The following SPTLC1 variants were observed in gnomAD, a reference collection of about 807,000 sequenced individuals.
The protein encoded by SPTLC1 is serine palmitoyltransferase long chain base subunit 1.
In SPTLC1, 55 loss-of-function variants were observed where a neutral mutation model predicts 68.9. That is an observed-to-expected ratio of 0.80 (90% confidence interval 0.64 to 1.00). The LOEUF is 1.00. Ranked by LOEUF, SPTLC1 falls within the 50% of genes least tolerant of loss-of-function variation. The pLI, the probability that SPTLC1 is intolerant of heterozygous loss-of-function variation, is 0.00. For synonymous variants in SPTLC1, 197 were observed against 201.6 expected (o/e 0.98, Z 0.19); for missense variants, 449 against 573.1 (o/e 0.78, Z 2.21).
chr9:92,097,278 C>G (rs1468700994), intron 3 of SPTLC1, among the ~76,000 whole-genome samples: 1 of 152,200 alleles, frequency 6.6e-6, no homozygotes, highest in Non-Finnish European at 1.5e-5. Context: ...ATGTTAAACA[C>G]AGAGTTATCA....
At chr9:92,051,150 A>C (rs1321186424) in intron 8 of SPTLC1, 3 of 984,752 alleles carry the variant, frequency 3.0e-6, no homozygotes, top group Non-Finnish European at 3.6e-6. Flanking sequence ...AACAAAAAGA[A>C]GAAAACAAAT....
intron 8 of SPTLC1, among the ~76,000 whole-genome samples, chr9:92,053,691 A>G (rs1833788082): frequency 6.6e-6 from 1 of 152,270 alleles, no homozygotes; most frequent in Admixed American, 6.5e-5. Context: ...GATGCCATTT[A>G]TAGGAAATAA....
intron 13 of SPTLC1, among the ~76,000 whole-genome samples, chr9:92,037,786 T>A (rs1040904467): frequency 1.3e-5 from 2 of 152,180 alleles, no homozygotes; most frequent in African/African-American, 4.8e-5. Flanking sequence ...TACAAGAGCA[T>A]CCTGACTTCA....
chr9:92,111,109 T>C (rs1431353994), intron 2 of SPTLC1: 2 of 152,172 alleles, frequency 1.3e-5, no homozygotes, highest in East Asian at 1.9e-4. Flanking sequence ...ACATCACCTA[T>C]CTAATGAATC....
chr9:92,106,422 C>T (rs888268180), intron 3 of SPTLC1, among the ~76,000 whole-genome samples: 1 of 146,446 alleles, frequency 6.8e-6, no homozygotes, highest in African/African-American at 2.6e-5. Context: ...TGCAGTGAGC[C>T]GAGATCGCAC....
At chr9:92,112,898 G>C (rs765580606) in intron 1 of SPTLC1, among the ~76,000 whole-genome samples, 7 of 152,038 alleles carry the variant, frequency 4.6e-5, no homozygotes, top group African/African-American at 1.7e-4. Flanking sequence ...ACCTGAGGGC[G>C]GGAGTTTGAG....
At position 92,059,130 on chromosome 9, in the gene SPTLC1, G is replaced by A. The variant is rs1237716810; in HGVS notation, c.690+49C>T. 3 of 1,597,418 alleles carry A rather than the reference G, an allele frequency of 1.9e-6. No individual in the cohort carries two copies. In the African/African-American group the frequency reaches 4.1e-5, roughly 22 times the overall value. On this transcript the variant is annotated intron_variant, in intron 7 of 14. Transcript: ENST00000262554. Reference sequence around the variant, plus strand: ...TTACCATTTCATATATAATTTAGCTGGTTAGAAAGTACAAAAGAACTGTAT... The same window carrying A: ...TTACCATTTCATATATAATTTAGCTAGTTAGAAAGTACAAAAGAACTGTAT...
intron 1 of SPTLC1, 125 bp from the exon 2 acceptor site, chr9:92,112,687 G>A (rs1053179454): frequency 6.2e-6 from 4 of 648,458 alleles, no homozygotes; most frequent in Admixed American, 2.6e-5. Context: ...ATTTACTTTC[G>A]AAGCTCCCTT....
At chr9:92,097,789 T>C (rs1285132417) in intron 3 of SPTLC1, among the ~76,000 whole-genome samples, 2 of 152,198 alleles carry the variant, frequency 1.3e-5, no homozygotes, top group African/African-American at 4.8e-5. Flanking sequence ...CACTTAATTA[T>C]ACACTTCAAA....
At chr9:92,048,476 T>C (rs1396438671) in intron 9 of SPTLC1, among the ~76,000 whole-genome samples, 1 of 152,208 alleles carries the variant, frequency 6.6e-6, no homozygotes, top group African/African-American at 2.4e-5. Context: ...TTAAAAAGCA[T>C]GTTTAAACCT....
Position 92,032,494 on chromosome 9 carries a change from T to C in SPTLC1, c.1393A>G (p.Lys465Glu), listed in dbSNP as rs773640417. 38 of 1,614,052 alleles carry C rather than the reference T, an allele frequency of 2.4e-5. No individual in the cohort carries two copies. Among genetic ancestry groups the C allele is most frequent in the Admixed American group, 1.2e-4 (7 of 60,006 alleles). ...AGCAGGACGGCCTGGGCTACCTCCT[T>C]GATGGTGGACGCAGCTCTCTCCAGT... Reference protein sequence around the residue: ...EELERAASTIKEVAQAVLL With the variant: ...EELERAASTIEEVAQAVLL The change falls in exon 15 of 15, where the codon AAG (lysine) becomes GAG (glutamate). Residue 465 changes from lysine to glutamate, a missense_variant. Physicochemically the swap from Lys to Glu is moderately conservative, Grantham distance 56. Coordinates refer to ENST00000262554, the MANE Select transcript of SPTLC1 (RefSeq NM_006415.4).
intron 8 of SPTLC1, among the ~76,000 whole-genome samples, chr9:92,054,620 T>TA (rs1365455411): frequency 3.3e-5 from 5 of 152,260 alleles, no homozygotes; most frequent in Admixed American, 1.3e-4. Context: ...AGCTGGATCT[T>TA]AAAAGCTACG....
intron 5 of SPTLC1, among the ~76,000 whole-genome samples, chr9:92,069,855 A>G (rs1834419852): frequency 6.6e-6 from 1 of 152,258 alleles, no homozygotes; most frequent in Non-Finnish European, 1.5e-5. Context: ...AAAGAAAAAC[A>G]TGCTATGTAT....
intron 11 of SPTLC1, among the ~76,000 whole-genome samples, chr9:92,046,912 C>T (rs1023118376): frequency 3.3e-5 from 5 of 152,294 alleles, no homozygotes; most frequent in East Asian, 1.9e-4. Flanking sequence ...GAGAGCCCCT[C>T]GTCCTCCCAG....
intron 5 of SPTLC1, chr9:92,070,358 T>G (rs1445579161): frequency 2.0e-5 from 3 of 152,236 alleles, no homozygotes; most frequent in Non-Finnish European, 2.9e-5. Context: ...CTTCAACTTT[T>G]GATGTCCATA....
At chr9:92,044,975 T>C (rs1049269902) in intron 12 of SPTLC1, among the ~76,000 whole-genome samples, 2 of 152,218 alleles carry the variant, frequency 1.3e-5, no homozygotes, top group East Asian at 1.9e-4. Context: ...CTAGCACTGA[T>C]GCATTTCCAG....
chr9:92,069,170 G>A (rs1034595319), intron 5 of SPTLC1, among the ~76,000 whole-genome samples: 3 of 152,300 alleles, frequency 2.0e-5, no homozygotes, highest in Non-Finnish European at 2.9e-5. Context: ...AATGGCAGGC[G>A]GTCTGGGCAT....
intron 3 of SPTLC1, among the ~76,000 whole-genome samples, chr9:92,099,580 A>G (rs1166907016): frequency 5.3e-5 from 8 of 151,788 alleles, no homozygotes; most frequent in Admixed American, 6.6e-5. Context: ...CCCAGGCTCA[A>G]GCCATCTTCC....
At chr9:92,113,458 C>T (rs1190446444) in intron 1 of SPTLC1, among the ~76,000 whole-genome samples, 2 of 152,156 alleles carry the variant, frequency 1.3e-5, no homozygotes, top group Admixed American at 1.3e-4. Flanking sequence ...TCACAAACAC[C>T]ACTTCTTTTC....
Sources: gnomAD v4.1 joint callset for allele counts (sites outside exome capture counted in the v4.1 genomes callset) on GRCh38, gnomAD v4.1.1 for gene constraint, MANE v1.5 for transcripts, NCBI Gene and HGNC (gene_info 2026-07-23, HGNC 2026-07-21) for gene names.